FBLN7: variants seen among roughly 807,000 people sequenced by gnomAD.
The protein encoded by FBLN7 is fibulin-7.
Under a neutral mutation model 44.0 loss-of-function variants are expected in FBLN7, and 31 were observed. The observed-to-expected ratio is 0.70, with a 90% CI of 0.53 to 0.95. The LOEUF (loss-of-function observed/expected upper bound fraction) is 0.95. FBLN7 is among the 40% of genes least tolerant of loss of function. The pLI, the probability that FBLN7 is intolerant of heterozygous loss-of-function variation, is 0.00. For synonymous variants in FBLN7, 262 were observed against 253.4 expected (o/e 1.03, Z -0.32); for missense variants, 573 against 618.5 (o/e 0.93, Z 0.78).
chr2:112,212,847 G>C, the FBLN7 span: 1 of 151,966 alleles, frequency 6.6e-6, no homozygotes, highest in Non-Finnish European at 1.5e-5. Flanking sequence ...TTCTGATCTT[G>C]CCAAACTCCA....
chr2:112,195,294 G>A, the FBLN7 span, among the ~76,000 whole-genome samples: 3,901 of 152,250 alleles, frequency 0.026, 159 homozygotes, highest in African/African-American at 0.089. Context: ...ATTCTTTAGG[G>A]GGAAAGTGTG....
At chr2:112,171,968 C>T (rs897198408) in intron 3 of FBLN7, among the ~76,000 whole-genome samples, 2 of 152,144 alleles carry the variant, frequency 1.3e-5, no homozygotes, top group Admixed American at 1.3e-4. Context: ...AGGATGGTCT[C>T]GATCTCCTGA....
At chr2:112,205,770 A>G in the FBLN7 span, among the ~76,000 whole-genome samples, 30 of 152,220 alleles carry the variant, frequency 2.0e-4, no homozygotes, top group African/African-American at 6.5e-4. Flanking sequence ...TTCAAATTTT[A>G]TTCTTTTAAA....
intron 7 of FBLN7, 121 bp downstream of exon 7, chr2:112,185,460 G>A (rs1683225357): frequency 7.6e-7 from 1 of 1,316,776 alleles, no homozygotes; most frequent in Non-Finnish European, 1.0e-6. Flanking sequence ...GAGGCAGGAG[G>A]CTGGGAGGCT....
At chr2:112,149,232 C>A (rs186052153) in intron 1 of FBLN7, among the ~76,000 whole-genome samples, 66 of 152,322 alleles carry the variant, frequency 4.3e-4, no homozygotes, top group Non-Finnish European at 7.5e-4. Context: ...GGGGTCATTT[C>A]TGGCCCTGGG....
chr2:112,162,516 G>C (rs1681931040), intron 2 of FBLN7, among the ~76,000 whole-genome samples: 1 of 152,088 alleles, frequency 6.6e-6, no homozygotes, highest in Admixed American at 6.5e-5. Flanking sequence ...TGCTGAGACT[G>C]CTTAACTGTG....
intron 1 of FBLN7, among the ~76,000 whole-genome samples, chr2:112,159,252 C>T (rs1004271922): frequency 2.7e-5 from 4 of 146,812 alleles, no homozygotes; most frequent in African/African-American, 7.6e-5. Flanking sequence ...ATTGGGCATT[C>T]CTGTTTTGCC....
chr2:112,226,081 C>CA, the FBLN7 span, among the ~76,000 whole-genome samples: 90 of 139,184 alleles, frequency 6.5e-4, no homozygotes, highest in South Asian at 2.1e-3. Context: ...GACTTCATCT[C>CA]AAAAAAAAAA....
At chr2:112,207,502 G>A in the FBLN7 span, among the ~76,000 whole-genome samples, 1 of 150,430 alleles carries the variant, frequency 6.6e-6, no homozygotes, top group Non-Finnish European at 1.5e-5. Flanking sequence ...TTCTACTCTT[G>A]TTTGAGGTAT....
At chr2:112,151,685 A>G (rs1681168449) in intron 1 of FBLN7, 1 of 152,184 alleles carries the variant, frequency 6.6e-6, no homozygotes. Flanking sequence ...AATAGACAAA[A>G]TGTGCTGCCA....
chr2:112,237,611 C>G, the FBLN7 span, among the ~76,000 whole-genome samples: 1 of 150,826 alleles, frequency 6.6e-6, no homozygotes, highest in Non-Finnish European at 1.5e-5. Flanking sequence ...GAGTCTCGCT[C>G]TGTTGTCCAG....
intron 1 of FBLN7, among the ~76,000 whole-genome samples, chr2:112,145,427 T>G (rs1201257268): frequency 1.3e-5 from 2 of 152,168 alleles, no homozygotes; most frequent in African/African-American, 4.8e-5. Flanking sequence ...AAATCCTGAT[T>G]GTTTTTAATA....
chr2:112,148,270 G>C (rs1680984567), intron 1 of FBLN7, among the ~76,000 whole-genome samples: 1 of 152,134 alleles, frequency 6.6e-6, no homozygotes, highest in Admixed American at 6.5e-5. Context: ...TGGCATGAAA[G>C]GACACCATGA....
the FBLN7 span, among the ~76,000 whole-genome samples, chr2:112,210,667 A>G: frequency 6.6e-6 from 1 of 151,634 alleles, no homozygotes; most frequent in Non-Finnish European, 1.5e-5. Context: ...AAAAAAAAAA[A>G]AAAAAAAAAA....
chr2:112,199,766 G>C, the FBLN7 span, among the ~76,000 whole-genome samples: 1 of 152,216 alleles, frequency 6.6e-6, no homozygotes. Flanking sequence ...GGATTAATGG[G>C]TTAATGAGGC....
At chr2:112,161,479 A>G (rs1046485645) in intron 2 of FBLN7, among the ~76,000 whole-genome samples, 3 of 152,120 alleles carry the variant, frequency 2.0e-5, no homozygotes, top group Non-Finnish European at 4.4e-5. Context: ...CCCCAACTCC[A>G]TGGTGCAGGC....
chr2:112,159,587 C>T (rs1235397180), intron 1 of FBLN7, 89 bp from the exon 2 acceptor site: 4 of 1,411,888 alleles, frequency 2.8e-6, no homozygotes, highest in South Asian at 1.6e-5. Context: ...GTTTGGACCC[C>T]GTGGCTTCGG....
the FBLN7 span, among the ~76,000 whole-genome samples, chr2:112,242,202 C>T: frequency 6.6e-6 from 1 of 152,178 alleles, no homozygotes; most frequent in Non-Finnish European, 1.5e-5. Context: ...GGGCAAAATC[C>T]GCTCTGCCAC....
chr2:112,214,730 G>T, the FBLN7 span: 1 of 152,252 alleles, frequency 6.6e-6, no homozygotes, highest in Non-Finnish European at 1.5e-5. Context: ...CTGTACAGAG[G>T]AAAGGGGAGA....
Sources: allele counts gnomAD v4.1 joint callset (sites outside exome capture counted in the v4.1 genomes callset), GRCh38; gene constraint gnomAD v4.1.1; transcripts MANE v1.5; gene names NCBI Gene and HGNC (gene_info 2026-07-23, HGNC 2026-07-21).